The following ABCB10 variants were observed in gnomAD, a reference collection of about 807,000 sequenced individuals.
ABCB10 encodes ATP binding cassette subfamily B member 10.
A neutral mutation model predicts 65.4 loss-of-function variants in ABCB10; 54 were observed. The ratio of observed to expected loss-of-function variants is 0.83; its 90% CI spans 0.66 to 1.04. The LOEUF (loss-of-function observed/expected upper bound fraction) is 1.04. Ranked by LOEUF, ABCB10 falls within the 50% of genes least tolerant of loss-of-function variation. ABCB10 has a pLI of 0.00. For missense variants in ABCB10, 846 were observed against 976.6 expected, an observed-to-expected ratio of 0.87 and a Z score of 1.78; for synonymous variants, 418 against 406.5, an observed-to-expected ratio of 1.03 and a Z score of -0.34.
At chr1:229,556,138 G>A (rs1177825804) in intron 1 of ABCB10, among the ~76,000 whole-genome samples, 3 of 152,194 alleles carry the variant, frequency 2.0e-5, no homozygotes, top group African/African-American at 7.2e-5. Flanking sequence ...ACCTTTGGAA[G>A]GCCAAGGTGG....
At chr1:229,554,509 A>G (rs965499063) in intron 1 of ABCB10, among the ~76,000 whole-genome samples, 14 of 152,338 alleles carry the variant, frequency 9.2e-5, no homozygotes, top group African/African-American at 3.1e-4. Context: ...TAGGTAATTT[A>G]AACTTCTCTA....
At chr1:229,521,724 C>A in intron 10 of ABCB10, 89 bp from the exon 11 acceptor site, 1 of 1,388,802 alleles carries the variant, frequency 7.2e-7, no homozygotes, top group Admixed American at 2.0e-5. Context: ...AATTTGAAGG[C>A]AAGCTTCTTC....
chr1:229,530,332 G>A lies in ABCB10; in HGVS notation c.1512C>T (p.Arg504=). ...AATCCTGAAATATGGGCACCTCTGG[G>A]CGAGCTGGATAGGCAAAATGCACGT... ...FKNVHFAYPA[R]PEVPIFQDFS... The change falls in exon 8 of 13, where the codon CGC becomes CGT. Residue 504 remains arginine (R), a synonymous_variant. Transcript: ENST00000344517. 1.6e-5 allele frequency: 26 copies of A among 1,614,194 alleles called. No individual in the cohort carries two copies. Among genetic ancestry groups the A allele is most frequent in the Non-Finnish European group, 2.2e-5 (26 of 1,180,038 alleles).
At chr1:229,536,542 G>A (rs746832935) in intron 6 of ABCB10, among the ~76,000 whole-genome samples, 1 of 152,086 alleles carries the variant, frequency 6.6e-6, no homozygotes, top group Non-Finnish European at 1.5e-5. Flanking sequence ...TAAAGGTAAA[G>A]AGTCAAAAGT....
rs113298661 is a variant in ABCB10, at chr1:229,526,159, T to A, written c.1726-43A>T. The stretch of plus-strand genomic sequence containing the variant: ...AACATATCACGAATTTCAAACAGAC[T>A]TAAAACATGTCTAATAAATTTAGAC... On this transcript the variant is annotated intron_variant, in intron 9 of 12. Transcript: ENST00000344517. 226 of 1,561,862 alleles carry A rather than the reference T, an allele frequency of 1.4e-4. 1 individual carries two copies. In the South Asian group the frequency reaches 2.4e-3, roughly 16 times the overall value.
At chr1:229,541,271 G>A (rs1440632821) in intron 4 of ABCB10, among the ~76,000 whole-genome samples, 1 of 151,904 alleles carries the variant, frequency 6.6e-6, no homozygotes, top group Non-Finnish European at 1.5e-5. Flanking sequence ...TTGTCACCCA[G>A]GCTGGAGTGC....
In ABCB10 at chr1:229,518,864, A is replaced by T. The variant is rs774428012; in HGVS notation, c.1962T>A (p.Ile654=). 2.5e-6 allele frequency: 4 copies of T among 1,601,918 alleles called. No homozygotes were observed. In the East Asian group the frequency reaches 9.0e-5, roughly 36 times the overall value. Residue 654 remains isoleucine, a synonymous_variant, in exon 12 of 13, where the codon ATT becomes ATA. Transcript: ENST00000344517. ...IARALLKNPK[I]LLLDEATSAL... ...ACCTGGTTGCTTCATCTAGGAGAAG[A>T]ATTTTGGGATTCTGAAGAAGGAAAA...
chr1:229,531,415 C>G (rs1662580649), intron 7 of ABCB10, among the ~76,000 whole-genome samples: 1 of 152,064 alleles, frequency 6.6e-6, no homozygotes, highest in Non-Finnish European at 1.5e-5. Context: ...TGTGGCCAGC[C>G]CATGCATCCA....
intron 10 of ABCB10, among the ~76,000 whole-genome samples, chr1:229,523,596 A>G (rs551440828): frequency 6.6e-6 from 1 of 152,258 alleles, no homozygotes; most frequent in Admixed American, 6.5e-5. Context: ...TCCTTAGAGC[A>G]GCCTGCTGAT....
intron 1 of ABCB10, among the ~76,000 whole-genome samples, chr1:229,550,525 C>CAAAAAAAAA (rs60323914): frequency 1.3e-4 from 8 of 63,540 alleles, no homozygotes; most frequent in African/African-American, 5.2e-4. Flanking sequence ...ATGCTGTCTC[C>CAAAAAAAAA]AAAAAAAAAA....
intron 1 of ABCB10, among the ~76,000 whole-genome samples, chr1:229,552,858 C>T (rs765689631): frequency 6.6e-6 from 1 of 152,156 alleles, no homozygotes; most frequent in Non-Finnish European, 1.5e-5. Flanking sequence ...CCAATTTACA[C>T]ATCACAGAAC....
chr1:229,557,392 T>C (rs1481571185), intron 1 of ABCB10, among the ~76,000 whole-genome samples: 1 of 152,190 alleles, frequency 6.6e-6, no homozygotes, highest in Non-Finnish European at 1.5e-5. Context: ...CAGTCCAGAA[T>C]GAGGGCTCAA....
At chr1:229,549,548 A>G (rs1663056695) in intron 1 of ABCB10, 114 bp from the exon 2 acceptor site, 3 of 974,686 alleles carry the variant, frequency 3.1e-6, no homozygotes, top group Non-Finnish European at 4.6e-6. Flanking sequence ...CGTTGATCTC[A>G]GTCTCTAGCA....
chr1:229,529,265 C>T (rs1426300105), intron 8 of ABCB10, among the ~76,000 whole-genome samples: 6 of 120,008 alleles, frequency 5.0e-5, no homozygotes, highest in Non-Finnish European at 9.6e-5. Flanking sequence ...CACTGCACTC[C>T]AGCCTGGGCA....
At chr1:229,531,596 C>T (rs761681446) in intron 7 of ABCB10, 40 bp downstream of exon 7, 24 of 1,585,710 alleles carry the variant, frequency 1.5e-5, no homozygotes, top group Non-Finnish European at 2.1e-5. Flanking sequence ...TTCAAAGCCA[C>T]ATTTGTTAAT....
chr1:229,539,523 G>C lies in ABCB10; in HGVS notation c.1272C>G (p.Ala424=), dbSNP rs1197622404. The C allele has an allele frequency of 1.2e-6, 2 of 1,614,008 alleles. No individual in the cohort carries two copies. The highest frequency in any genetic ancestry group is 1.3e-5 in the African/African-American group (1 of 75,026). Residue 424 remains alanine, a synonymous_variant, in exon 6 of 13, where the codon GCC becomes GCG. Transcript: ENST00000344517. ...LYKGGLLMGS[A]HMTVGELSSF... The stretch of plus-strand genomic sequence containing the variant: ...AAGAGAGTTCACCCACGGTCATGTG[G>C]GCACTGCCCATCAGCAGCCCTCCTT...
intron 3 of ABCB10, among the ~76,000 whole-genome samples, chr1:229,542,882 G>C (rs988524199): frequency 1.4e-4 from 22 of 152,104 alleles, no homozygotes; most frequent in African/African-American, 4.8e-4. Context: ...TGTAATCTCA[G>C]TACTTTGGGA....
Position 229,549,349 on chromosome 1 carries a change from G to A in ABCB10, c.603C>T (p.Thr201=). 6.2e-7 allele frequency: 1 copy of A among 1,614,092 alleles called. No homozygotes were observed. The highest frequency in any genetic ancestry group is 8.5e-7 in the Non-Finnish European group (1 of 1,180,016). ...FLGKIIDVIY[T]NPTVDYSDNL... The stretch of plus-strand genomic sequence containing the variant: ...TGTCGCTGTAGTCCACAGTGGGGTT[G>A]GTATAGATGACATCAATGATCTTCC... Residue 201 remains threonine (T), a synonymous_variant, in exon 2 of 13, where the codon ACC becomes ACT. Coordinates refer to ENST00000344517, the MANE Select transcript of ABCB10 (RefSeq NM_012089.3).
At chr1:229,545,364 T>C (rs1285385008) in intron 3 of ABCB10, among the ~76,000 whole-genome samples, 1 of 152,216 alleles carries the variant, frequency 6.6e-6, no homozygotes, top group African/African-American at 2.4e-5. Flanking sequence ...CTCTAAGTGC[T>C]TCATGGGACA....
Sources: gnomAD v4.1 joint callset for allele counts (sites outside exome capture counted in the v4.1 genomes callset) on GRCh38, gnomAD v4.1.1 for gene constraint, MANE v1.5 for transcripts, NCBI Gene and HGNC (gene_info 2026-07-23, HGNC 2026-07-21) for gene names.